The following GPC6 variants were observed in gnomAD, a reference collection of about 807,000 sequenced individuals.
GPC6 encodes glypican 6.
GPC6 carries 14 observed loss-of-function variants against 55.2 expected under a neutral mutation model. That is an observed-to-expected ratio of 0.25 (90% confidence interval 0.17 to 0.40). The LOEUF (loss-of-function observed/expected upper bound fraction) is 0.40. Among genes scored for constraint, GPC6 ranks in the 10% least tolerant of loss-of-function variants. The pLI, the probability that GPC6 is intolerant of heterozygous loss-of-function variation, is 1.00. For missense variants in GPC6, 641 were observed against 708.5 expected (o/e 0.90, Z 1.08); for synonymous variants, 278 against 259.6 (o/e 1.07, Z -0.68).
chr13:93,613,529 AAACAC>A (rs1566450033), intron 2 of GPC6, among the ~76,000 whole-genome samples: 136 of 128,554 alleles, frequency 1.1e-3, no homozygotes, highest in African/African-American at 3.4e-3. Context: ...CACACACACA[AAACAC>A]ACACACACAC....
At chr13:94,130,098 T>A (rs1886957310) in intron 4 of GPC6, among the ~76,000 whole-genome samples, 2 of 152,180 alleles carry the variant, frequency 1.3e-5, no homozygotes, top group African/African-American at 4.8e-5. Context: ...TACTGATTAA[T>A]GTTTAGGATC....
intron 1 of GPC6, among the ~76,000 whole-genome samples, chr13:93,441,413 T>A (rs1232947558): frequency 2.0e-5 from 3 of 152,150 alleles, no homozygotes; most frequent in Non-Finnish European, 4.4e-5. Flanking sequence ...GGTATCTCAT[T>A]GTGGTTTTGA....
Position 94,288,791 on chromosome 13 carries a change from A to AT in GPC6, c.1008+2312_1008+2313insT, listed in dbSNP as rs1491335473. ...TATATATATTTGTTATATATATAAT[A>AT]AATATATATATTTGTTATATATAAT... On this transcript the variant is annotated intron_variant, in intron 5 of 8. Transcript: ENST00000377047. Among the ~76,000 whole-genome samples, 8 of 66,358 alleles carry AT rather than the reference A, an allele frequency of 1.2e-4. No individual in the cohort carries two copies. In the South Asian group the frequency reaches 1.4e-3, roughly 11 times the overall value. The allele number at this position is 66,358 out of a possible 152,430, so 43.5% of individuals were successfully genotyped here.
chr13:94,210,920 G>C (rs1438564422), intron 4 of GPC6, among the ~76,000 whole-genome samples: 1 of 152,184 alleles, frequency 6.6e-6, no homozygotes, highest in East Asian at 1.9e-4. Flanking sequence ...ATTTCCGTGT[G>C]AGTACGGGAG....
chr13:93,522,761 AT>A (rs1210139987), intron 1 of GPC6, among the ~76,000 whole-genome samples: 1 of 151,918 alleles, frequency 6.6e-6, no homozygotes, highest in South Asian at 2.1e-4. Context: ...ATCCGGAGGC[AT>A]TTTTTTGGCT....
chr13:94,103,045 T>C (rs1482389932), intron 4 of GPC6, among the ~76,000 whole-genome samples: 1 of 152,042 alleles, frequency 6.6e-6, no homozygotes, highest in African/African-American at 2.4e-5. Context: ...ACTCCCACCA[T>C]CCCACAACAG....
intron 4 of GPC6, among the ~76,000 whole-genome samples, chr13:94,033,969 G>A (rs779076340): frequency 1.3e-5 from 2 of 152,014 alleles, no homozygotes; most frequent in South Asian, 2.1e-4. Flanking sequence ...TAGAGGACTC[G>A]CATTTGCCCT....
At chr13:93,908,497 G>T (rs1471993123) in intron 3 of GPC6, among the ~76,000 whole-genome samples, 1 of 152,270 alleles carries the variant, frequency 6.6e-6, no homozygotes, top group African/African-American at 2.4e-5. Context: ...GAGTGGCAGG[G>T]TTTTCCCTTT....
intron 6 of GPC6, among the ~76,000 whole-genome samples, chr13:94,379,999 C>T (rs755646991): frequency 1.1e-4 from 16 of 152,154 alleles, no homozygotes; most frequent in Admixed American, 2.0e-4. Context: ...AAGAAGACAA[C>T]GTTTGAGAAT....
At chr13:93,435,215 A>G (rs928485195) in intron 1 of GPC6, among the ~76,000 whole-genome samples, 38 of 151,980 alleles carry the variant, frequency 2.5e-4, no homozygotes, top group African/African-American at 8.7e-4. Context: ...CTTAGGCCCA[A>G]GTGATCCTCC....
At chr13:94,186,709 A>G (rs754858231) in intron 4 of GPC6, among the ~76,000 whole-genome samples, 10 of 152,220 alleles carry the variant, frequency 6.6e-5, no homozygotes, top group East Asian at 1.9e-4. Flanking sequence ...AATTATTTTT[A>G]TAGAGTTCTA....
chr13:93,433,597 G>A (rs764618090), intron 1 of GPC6, among the ~76,000 whole-genome samples: 20 of 152,094 alleles, frequency 1.3e-4, no homozygotes, highest in East Asian at 1.9e-4. Flanking sequence ...GGGACTACAC[G>A]TGTAGAGAAA....
intron 3 of GPC6, among the ~76,000 whole-genome samples, chr13:93,854,772 A>G (rs867235489): frequency 3.3e-5 from 5 of 151,758 alleles, no homozygotes; most frequent in African/African-American, 9.7e-5. Context: ...ATTTACAACA[A>G]TGAACTTTCT....
intron 1 of GPC6, among the ~76,000 whole-genome samples, chr13:93,293,661 C>A (rs1383082703): frequency 6.6e-6 from 1 of 152,224 alleles, no homozygotes; most frequent in East Asian, 1.9e-4. Flanking sequence ...AGGAGGCACA[C>A]TAAATAGCAC....
chr13:93,547,381 A>G (rs538210915), intron 2 of GPC6, among the ~76,000 whole-genome samples: 1 of 151,988 alleles, frequency 6.6e-6, no homozygotes, highest in East Asian at 1.9e-4. Flanking sequence ...ACAAAACAAA[A>G]CAAGACGAGC....
rs1566638011 is a variant in GPC6 at position 94,288,871 on chromosome 13, TTATATATATAACTAA to T, written c.1008+2401_1008+2415del. ...TATATATAATAAATATATATATTTG[TTATATATATAACTAA>T]TATATATAACAAATATATATATATT... On this transcript the variant is annotated intron_variant, in intron 5 of 8. Transcript: ENST00000377047. Among the ~76,000 whole-genome samples the T allele has an allele frequency of 3.2e-3, 81 of 25,646 alleles. 2 individuals carry two copies. The highest frequency in any genetic ancestry group is 5.4e-3 in the Non-Finnish European group (61 of 11,344). 16.8% of individuals were successfully genotyped at this position (25,646 alleles called of 152,430 possible). A position where few individuals can be genotyped will look rare whatever the true frequency, so the allele number is the denominator to read the frequency against.
rs542828443 is a variant in GPC6, at chr13:94,385,283, A to G, written c.1289+2733A>G. 1.1e-4 allele frequency among the ~76,000 whole-genome samples: 17 copies of G among 152,222 alleles called. No homozygotes were observed. The South Asian group carries it at 2.7e-3, about 24-fold the overall frequency. On this transcript the variant is annotated intron_variant, in intron 7 of 8. Coordinates refer to ENST00000377047, the MANE Select transcript of GPC6 (RefSeq NM_005708.5). ...CAATGGGATCAATACCTGAAAAGGT[A>G]CAGTGACTGGGGTGAGCCCAGTGAA... is the stretch of plus-strand genomic sequence containing the variant.
At chr13:93,418,611 G>A (rs956043529) in intron 1 of GPC6, among the ~76,000 whole-genome samples, 5 of 150,938 alleles carry the variant, frequency 3.3e-5, no homozygotes, top group Non-Finnish European at 5.9e-5. Context: ...CTATACCGTA[G>A]TATCATTTTA....
At chr13:94,112,216 AG>A (rs2138841056) in intron 4 of GPC6, among the ~76,000 whole-genome samples, 1 of 152,306 alleles carries the variant, frequency 6.6e-6, no homozygotes, top group African/African-American at 2.4e-5. Flanking sequence ...ATAACTCCAA[AG>A]TAATTTAGTA....
Sources: gnomAD v4.1 joint callset for allele counts (sites outside exome capture counted in the v4.1 genomes callset) on GRCh38, gnomAD v4.1.1 for gene constraint, MANE v1.5 for transcripts, NCBI Gene and HGNC (gene_info 2026-07-23, HGNC 2026-07-21) for gene names.